The following ATP8A2 variants were observed in gnomAD, a reference collection of about 807,000 sequenced individuals.
ATP8A2 encodes phospholipid-transporting ATPase IB.
In ATP8A2, 100 loss-of-function variants were observed where a neutral mutation model predicts 165.6. The observed-to-expected ratio is 0.60, with a 90% confidence interval of 0.51 to 0.71. The LOEUF (loss-of-function observed/expected upper bound fraction) is 0.71, where lower values mean the gene tolerates loss of function less well. Among genes scored for constraint, ATP8A2 ranks in the 30% least tolerant of loss-of-function variants. The probability of loss-of-function intolerance (pLI) is 0.00; values close to 1 mark genes in which losing one functional copy is unlikely to be tolerated. For missense variants in ATP8A2, 1,227 were observed against 1,479.5 expected, an observed-to-expected ratio of 0.83 and a Z score of 2.80; for synonymous variants, 543 against 548.8, an observed-to-expected ratio of 0.99 and a Z score of 0.15.
chr13:25,482,185 C>G (rs148193096), intron 2 of ATP8A2, among the ~76,000 whole-genome samples: 34 of 152,312 alleles, frequency 2.2e-4, no homozygotes, highest in African/African-American at 8.2e-4. Context: ...GCTTTAGATT[C>G]AGTTGATTAG....
rs10675043 is a variant in ATP8A2, at chr13:25,646,671, A to AAAACC, written c.2212-52502_2212-52501insAAACC. On this transcript the variant is annotated intron_variant, in intron 24 of 36. Transcript: ENST00000381655. ...CTCCATCTCAAAAAAAAAAAAAAAA[A>AAAACC]CACACAAAAGAATCATTTAGTCACT... Among the ~76,000 whole-genome samples, 2 of 123,996 alleles carry AAAACC rather than the reference A, an allele frequency of 1.6e-5. 1 individual carries two copies. The highest frequency in any genetic ancestry group is 6.1e-5 in the African/African-American group (2 of 32,786). 81.3% of individuals were successfully genotyped at this position (123,996 alleles called of 152,430 possible).
chr13:25,506,959 A>ATCTATC (rs1555285067), intron 2 of ATP8A2, among the ~76,000 whole-genome samples: 2 of 145,946 alleles, frequency 1.4e-5, no homozygotes, highest in African/African-American at 5.0e-5. Context: ...ATATATATAT[A>ATCTATC]TATCTTATTT....
At chr13:25,888,429 A>G (rs2138884039) in intron 33 of ATP8A2, among the ~76,000 whole-genome samples, 1 of 152,370 alleles carries the variant, frequency 6.6e-6, no homozygotes, top group East Asian at 1.9e-4. Flanking sequence ...CGTCAAGTTC[A>G]GAAAAAGCTA....
chr13:25,964,984 A>G (rs2139197450), intron 34 of ATP8A2, among the ~76,000 whole-genome samples: 1 of 152,208 alleles, frequency 6.6e-6, no homozygotes, highest in East Asian at 1.9e-4. Context: ...ACATGGTGAA[A>G]CCCTGTCTCT....
chr13:25,435,959 G>GTATA (rs1408313267), intron 1 of ATP8A2, among the ~76,000 whole-genome samples: 1 of 150,284 alleles, frequency 6.7e-6, no homozygotes, highest in Non-Finnish European at 1.5e-5. Context: ...GTGAGTGTGT[G>GTATA]TGTGTGTGTG....
At chr13:25,983,148 A>G (rs1202847698) in intron 35 of ATP8A2, among the ~76,000 whole-genome samples, 1 of 152,204 alleles carries the variant, frequency 6.6e-6, no homozygotes, top group Non-Finnish European at 1.5e-5. Flanking sequence ...TCTGGGATGC[A>G]CCTTCTGTGT....
chr13:25,738,763 G>T (rs927872077), intron 25 of ATP8A2, among the ~76,000 whole-genome samples: 1 of 152,250 alleles, frequency 6.6e-6, no homozygotes, highest in Non-Finnish European at 1.5e-5. Flanking sequence ...CTCTTTGGAT[G>T]TAATACAAGA....
chr13:25,906,481 ACCC>A (rs958000477), intron 33 of ATP8A2, among the ~76,000 whole-genome samples: 10 of 151,760 alleles, frequency 6.6e-5, no homozygotes, highest in Admixed American at 1.3e-4. Context: ...AATTCCCAGC[ACCC>A]CGAGGCCTGA....
intron 27 of ATP8A2, among the ~76,000 whole-genome samples, chr13:25,813,194 G>A (rs150363189): frequency 9.7e-4 from 147 of 152,024 alleles, no homozygotes; most frequent in African/African-American, 3.5e-3. Context: ...CACATCCTGC[G>A]CATGTACCCC....
intron 13 of ATP8A2, among the ~76,000 whole-genome samples, chr13:25,556,127 C>G (rs150074044): frequency 0.011 from 1,673 of 152,268 alleles, 30 homozygotes; most frequent in African/African-American, 0.038. Context: ...TGGATATATA[C>G]CCAGTAATGG....
At position 25,556,367 on chromosome 13, in the gene ATP8A2, G is replaced by A. The variant is rs112954830; in HGVS notation, c.1263+1299G>A. Among the ~76,000 whole-genome samples the A allele has an allele frequency of 5.6e-3, 855 of 152,268 alleles. 16 individuals are homozygous for A. The highest frequency in any genetic ancestry group is 0.019 in the African/African-American group (769 of 41,544). On this transcript the variant is annotated intron_variant, in intron 13 of 36. Transcript: ENST00000381655. ...GATTTGCACTCCTCTGATGATTAGT[G>A]ATGTGGAGCATTGTTTCATATGTTT...
At chr13:25,524,887 CT>C (rs2037788149) in intron 2 of ATP8A2, among the ~76,000 whole-genome samples, 1 of 3,508 alleles carries the variant, frequency 2.9e-4, no homozygotes, top group Non-Finnish European at 8.2e-4. Flanking sequence ...TGTTTGATAA[CT>C]TCCTTCCTTC....
At chr13:25,495,163 TG>T (rs35115802) in intron 2 of ATP8A2, among the ~76,000 whole-genome samples, 9,399 of 152,268 alleles carry the variant, frequency 0.062, 384 homozygotes, top group South Asian at 0.13. Context: ...AACCTCCTGC[TG>T]CTGCCCTTCC....
Position 26,025,178 on chromosome 13 carries a change from TTCTC to T in ATP8A2, c.*5196_*5199del, listed in dbSNP as rs1030198912. The T allele has an allele frequency of 1.3e-5, 2 of 150,770 alleles. No homozygotes were observed. Among genetic ancestry groups the T allele is most frequent in the Non-Finnish European group, 2.9e-5 (2 of 67,856 alleles). 9.3% of individuals were successfully genotyped at this position (150,770 alleles called of 1,614,324 possible). On this transcript the variant is annotated 3_prime_UTR_variant, in exon 37 of 37. Coordinates refer to ENST00000381655, the MANE Select transcript of ATP8A2 (RefSeq NM_016529.6). ...AAGGAAACCAGCCCTGTCATGGAAT[TTCTC>T]TCCTTCCCTGCACAGTAAAGACTTT...
chr13:25,640,305 G>T (rs1566004042), intron 24 of ATP8A2, among the ~76,000 whole-genome samples: 8 of 152,112 alleles, frequency 5.3e-5, no homozygotes, highest in Admixed American at 2.0e-4. Flanking sequence ...AAAAATCAAT[G>T]AATCCAGGAG....
At chr13:25,883,830 G>A (rs1297726746) in intron 33 of ATP8A2, among the ~76,000 whole-genome samples, 1 of 152,154 alleles carries the variant, frequency 6.6e-6, no homozygotes, top group Admixed American at 6.5e-5. Flanking sequence ...GCCTGCGTGT[G>A]CAAGTCAGGG....
intron 35 of ATP8A2, among the ~76,000 whole-genome samples, chr13:26,006,498 T>C (rs1956740951): frequency 6.6e-6 from 1 of 152,086 alleles, no homozygotes; most frequent in Non-Finnish European, 1.5e-5. Context: ...GGATGTATTT[T>C]ATTTCTTTTT....
In ATP8A2 at chr13:25,912,025, C is replaced by CA. The variant is rs1460099896; in HGVS notation, c.3184-49547dup. Among the ~76,000 whole-genome samples the CA allele has an allele frequency of 5.3e-5, 8 of 152,176 alleles. No homozygotes were observed. In the South Asian group the frequency reaches 1.7e-3, roughly 32 times the overall value. ...ACAATCCCACTTCTGGGCATTTACC[C>CA]AAAGATTTCAAATCAGTATGTCAAA... On this transcript the variant is annotated intron_variant, in intron 33 of 36. Coordinates refer to ENST00000381655, the MANE Select transcript of ATP8A2 (RefSeq NM_016529.6).
chr13:25,658,234 G>A (rs2041976022), intron 24 of ATP8A2, among the ~76,000 whole-genome samples: 1 of 152,216 alleles, frequency 6.6e-6, no homozygotes, highest in Admixed American at 6.5e-5. Context: ...ATTTAAAAGT[G>A]TTACCATAGA....
Sources: allele counts gnomAD v4.1 joint callset (sites outside exome capture counted in the v4.1 genomes callset), GRCh38; gene constraint gnomAD v4.1.1; transcripts MANE v1.5; gene names NCBI Gene and HGNC (gene_info 2026-07-23, HGNC 2026-07-21).